The following NEGR1 variants were observed in gnomAD, a reference collection of about 807,000 sequenced individuals.
NEGR1 encodes IgLON family member 4.
Under a neutral mutation model 40.9 loss-of-function variants are expected in NEGR1, and 10 were observed. The observed-to-expected ratio is 0.24, with a 90% CI of 0.15 to 0.42. NEGR1 has a LOEUF of 0.42. NEGR1 is among the 10% of genes least tolerant of loss of function. The probability of loss-of-function intolerance (pLI) is 1.00; values close to 1 mark genes in which losing one functional copy is unlikely to be tolerated. For synonymous variants in NEGR1, 185 were observed against 166.8 expected (o/e 1.11, Z -0.84); for missense variants, 352 against 438.9 (o/e 0.80, Z 1.77).
intron 1 of NEGR1, among the ~76,000 whole-genome samples, chr1:72,142,495 C>G (rs914041585): frequency 4.0e-5 from 6 of 151,318 alleles, no homozygotes; most frequent in Admixed American, 1.3e-4. Context: ...AAGCCAATTA[C>G]TAGCCACAAT....
chr1:71,897,223 C>G (rs1348534531), intron 2 of NEGR1, among the ~76,000 whole-genome samples: 1 of 151,990 alleles, frequency 6.6e-6, no homozygotes, highest in East Asian at 1.9e-4. Flanking sequence ...CAAAACATGT[C>G]TATTTGACAG....
chr1:72,179,577 A>C (rs1246310880), intron 1 of NEGR1, among the ~76,000 whole-genome samples: 1 of 152,084 alleles, frequency 6.6e-6, no homozygotes, highest in East Asian at 1.9e-4. Context: ...GCACTTTTAG[A>C]ATTCTAAGAA....
intron 4 of NEGR1, among the ~76,000 whole-genome samples, chr1:71,613,976 C>A (rs1054699205): frequency 6.6e-6 from 1 of 151,942 alleles, no homozygotes; most frequent in Non-Finnish European, 1.5e-5. Flanking sequence ...AAAACTCTTA[C>A]AATGGAACAT....
At chr1:71,583,283 G>C (rs1294424768) in intron 6 of NEGR1, among the ~76,000 whole-genome samples, 1 of 152,150 alleles carries the variant, frequency 6.6e-6, no homozygotes, top group Non-Finnish European at 1.5e-5. Flanking sequence ...ATAATAAATG[G>C]AAGATTTATC....
At chr1:71,724,340 T>C (rs1468788176) in intron 3 of NEGR1, among the ~76,000 whole-genome samples, 2 of 152,192 alleles carry the variant, frequency 1.3e-5, no homozygotes, top group African/African-American at 2.4e-5. Flanking sequence ...GATAGATAGA[T>C]GATAGTTACA....
Position 72,087,408 on chromosome 1 carries a change from G to A in NEGR1, c.177-152097C>T, listed in dbSNP as rs145331573. Among the ~76,000 whole-genome samples, 908 of 151,688 alleles carry A rather than the reference G, an allele frequency of 6.0e-3. 1 individual carries two copies. Among genetic ancestry groups the A allele is most frequent in the Non-Finnish European group, 0.011 (728 of 67,936 alleles). ...ATTGCGCCACTGCACTCCAGCTTGG[G>A]CGACAGAGTGAGATGCTGTCTCAAA... On this transcript the variant is annotated intron_variant, in intron 1 of 6. Transcript: ENST00000357731.
chr1:72,085,215 T>C (rs1648167430), intron 1 of NEGR1, among the ~76,000 whole-genome samples: 1 of 152,178 alleles, frequency 6.6e-6, no homozygotes, highest in South Asian at 2.1e-4. Context: ...TATATGCGCA[T>C]ATATATATAC....
In NEGR1 at chr1:71,845,657, C is replaced by T. The variant is rs1659379447; in HGVS notation, c.410-69360G>A. ...CTCCACTTTTAAACAAATGAGAAAA[C>T]TGAGGTAGAAAGAGAGTAAGTTGAT... On this transcript the variant is annotated intron_variant, in intron 2 of 6. Coordinates refer to ENST00000357731, the MANE Select transcript of NEGR1 (RefSeq NM_173808.3). Among the ~76,000 whole-genome samples the T allele has an allele frequency of 3.3e-5, 5 of 152,114 alleles. 1 individual carries two copies. The South Asian group carries it at 1.0e-3, about 32-fold the overall frequency.
chr1:72,065,508 G>C (rs997946523), intron 1 of NEGR1, among the ~76,000 whole-genome samples: 4 of 152,044 alleles, frequency 2.6e-5, no homozygotes, highest in Non-Finnish European at 5.9e-5. Context: ...ATCTGCCAAG[G>C]CTTCTCTGGG....
intron 6 of NEGR1, among the ~76,000 whole-genome samples, chr1:71,462,413 A>G (rs1318803361): frequency 1.3e-5 from 2 of 152,154 alleles, no homozygotes; most frequent in African/African-American, 4.8e-5. Flanking sequence ...AAAATCAAGC[A>G]CTAATAGGTG....
intron 1 of NEGR1, among the ~76,000 whole-genome samples, chr1:71,972,083 C>G (rs1291524543): frequency 6.6e-6 from 1 of 152,134 alleles, no homozygotes; most frequent in Non-Finnish European, 1.5e-5. Flanking sequence ...GTAGTAATCA[C>G]TTGGAGTAGT....
intron 1 of NEGR1, among the ~76,000 whole-genome samples, chr1:72,227,057 G>A (rs1010235676): frequency 1.3e-5 from 2 of 152,010 alleles, no homozygotes; most frequent in African/African-American, 4.8e-5. Context: ...CAATCTAAAT[G>A]AGAAAGTGCC....
chr1:72,280,307 T>A (rs182096749), intron 1 of NEGR1, among the ~76,000 whole-genome samples: 1 of 152,322 alleles, frequency 6.6e-6, no homozygotes, highest in East Asian at 1.9e-4. Flanking sequence ...TAAATTGTTG[T>A]TTGTTTGGGA....
At chr1:71,609,420 CAGG>C (rs1208207737) in intron 5 of NEGR1, among the ~76,000 whole-genome samples, 8 of 144,162 alleles carry the variant, frequency 5.5e-5, no homozygotes, top group Non-Finnish European at 1.2e-4. Context: ...GAGGCTGAGG[CAGG>C]AGAATGGCGT....
At chr1:72,066,907 G>A (rs111902799) in intron 1 of NEGR1, among the ~76,000 whole-genome samples, 2,280 of 152,250 alleles carry the variant, frequency 0.015, 54 homozygotes, top group African/African-American at 0.052. Context: ...GTAAAAGCCA[G>A]ACAGAATGCT....
chr1:71,855,432 C>A (rs928042982), intron 2 of NEGR1, among the ~76,000 whole-genome samples: 1 of 151,898 alleles, frequency 6.6e-6, no homozygotes. Context: ...CAGAAATAGG[C>A]AACTCAACTC....
chr1:71,474,728 A>AC (rs1490958236), intron 6 of NEGR1, among the ~76,000 whole-genome samples: 4 of 150,228 alleles, frequency 2.7e-5, no homozygotes, highest in South Asian at 4.2e-4. Context: ...AAAAAAAAAA[A>AC]AAAAAAAAAA....
chr1:71,883,449 T>G (rs1355025675), intron 2 of NEGR1, among the ~76,000 whole-genome samples: 1 of 152,118 alleles, frequency 6.6e-6, no homozygotes, highest in Non-Finnish European at 1.5e-5. Flanking sequence ...CAACAAGAAG[T>G]TATGTTACAG....
intron 2 of NEGR1, among the ~76,000 whole-genome samples, chr1:71,904,742 C>A (rs146554276): frequency 2.2e-4 from 34 of 152,222 alleles, no homozygotes; most frequent in African/African-American, 7.9e-4. Flanking sequence ...TTAGTATCCA[C>A]CCACTTAATC....
Sources: allele counts gnomAD v4.1 joint callset (sites outside exome capture counted in the v4.1 genomes callset), GRCh38; gene constraint gnomAD v4.1.1; transcripts MANE v1.5; gene names NCBI Gene and HGNC (gene_info 2026-07-23, HGNC 2026-07-21).